Variants in PDE4D observed in about 807,000 individuals in gnomAD.
The protein encoded by PDE4D is phosphodiesterase 4D.
In PDE4D, 24 loss-of-function variants were observed where a neutral mutation model predicts 87.4. The observed-to-expected ratio is 0.27, with a 90% CI of 0.20 to 0.39. The LOEUF is 0.39. Ranked by LOEUF, PDE4D falls within the 10% of genes least tolerant of loss-of-function variation. The pLI, the probability that PDE4D is intolerant of heterozygous loss-of-function variation, is 1.00. For synonymous variants in PDE4D, 384 were observed against 383.2 expected, an observed-to-expected ratio of 1.00 and a Z score of -0.02; for missense variants, 714 against 1,041.0, an observed-to-expected ratio of 0.69 and a Z score of 4.32.
intron 1 of PDE4D, among the ~76,000 whole-genome samples, chr5:60,469,390 A>G (rs1422846820): frequency 6.6e-6 from 1 of 152,076 alleles, no homozygotes; most frequent in Non-Finnish European, 1.5e-5. Flanking sequence ...TCCAACACTC[A>G]GCTTTTTCTT....
intron 1 of PDE4D, among the ~76,000 whole-genome samples, chr5:59,776,615 T>G (rs1367501131): frequency 6.6e-6 from 1 of 152,218 alleles, no homozygotes; most frequent in Non-Finnish European, 1.5e-5. Flanking sequence ...GAGTCACAGC[T>G]TGGGAGATGG....
intron 1 of PDE4D, among the ~76,000 whole-genome samples, chr5:60,484,784 T>A (rs901573406): frequency 6.6e-6 from 1 of 151,848 alleles, no homozygotes; most frequent in Non-Finnish European, 1.5e-5. Flanking sequence ...AAGTAAAGAG[T>A]CCTAACCCTA....
intron 1 of PDE4D, among the ~76,000 whole-genome samples, chr5:60,310,058 T>C (rs1754865941): frequency 1.3e-5 from 2 of 152,174 alleles, no homozygotes; most frequent in Non-Finnish European, 2.9e-5. Context: ...CCCTTTTTCC[T>C]CTTGGAGAAG....
chr5:59,554,117 G>A (rs1583095302), intron 1 of PDE4D, among the ~76,000 whole-genome samples: 1 of 152,254 alleles, frequency 6.6e-6, no homozygotes, highest in East Asian at 1.9e-4. Context: ...AGGAACTAGA[G>A]TCTCAGATCC....
At chr5:59,355,331 C>T (rs1263864801) in intron 1 of PDE4D, among the ~76,000 whole-genome samples, 2 of 152,150 alleles carry the variant, frequency 1.3e-5, no homozygotes, top group Non-Finnish European at 2.9e-5. Context: ...TGAGATTTCT[C>T]AAATTCATTA....
intron 1 of PDE4D, among the ~76,000 whole-genome samples, chr5:59,511,962 G>A (rs566363721): frequency 1.3e-5 from 2 of 152,026 alleles, no homozygotes; most frequent in African/African-American, 4.8e-5. Context: ...GTAATTTGAG[G>A]TCTGAAGTGG....
intron 1 of PDE4D, among the ~76,000 whole-genome samples, chr5:59,505,918 G>T (rs1373686908): frequency 6.6e-6 from 1 of 152,060 alleles, no homozygotes; most frequent in Non-Finnish European, 1.5e-5. Context: ...ACACTACATG[G>T]TATCCATTAT....
intron 2 of PDE4D, among the ~76,000 whole-genome samples, chr5:59,205,263 T>C (rs1182770864): frequency 6.6e-6 from 1 of 152,192 alleles, no homozygotes; most frequent in Non-Finnish European, 1.5e-5. Context: ...TTATGCTCTT[T>C]CTTTTTCACT....
At chr5:59,757,097 C>T (rs984569865) in intron 1 of PDE4D, among the ~76,000 whole-genome samples, 24 of 152,076 alleles carry the variant, frequency 1.6e-4, no homozygotes, top group East Asian at 1.9e-4. Flanking sequence ...CGCACCCGGC[C>T]GGTTCTTACT....
rs568130357 is a variant in PDE4D at position 59,011,327 on chromosome 5, C to T, written c.922-17862G>A. Among the ~76,000 whole-genome samples the T allele has an allele frequency of 8.5e-5, 13 of 152,188 alleles. No homozygotes were observed. In the South Asian group the frequency reaches 2.7e-3, roughly 32 times the overall value. ...CAAGCTGAGAGAAGAAGGCTTCAGA[C>T]GATGGGTAATAAACTTTTCCGAGCT... On this transcript the variant is annotated intron_variant, in intron 6 of 14. Transcript: ENST00000340635.
intron 1 of PDE4D, among the ~76,000 whole-genome samples, chr5:59,571,447 C>T (rs1452378062): frequency 6.6e-6 from 1 of 152,192 alleles, no homozygotes; most frequent in African/African-American, 2.4e-5. Flanking sequence ...AAAGGAGCTG[C>T]TTATAATGAA....
intron 1 of PDE4D, among the ~76,000 whole-genome samples, chr5:60,223,734 T>G (rs1464567704): frequency 1.3e-5 from 2 of 152,234 alleles, no homozygotes; most frequent in East Asian, 3.9e-4. Context: ...ACTTCACATA[T>G]TTAATTACTA....
rs1325297593 is a variant in PDE4D at position 60,500,392 on chromosome 5, A to G, written n.70+21659T>C. ...AGAAATTTCCACTTGAAAATATTTA[A>G]GATTTATTTATAATGCATCTTATGT... On this transcript the variant is annotated intron_variant and non_coding_transcript_variant, in intron 1 of 2. Coordinates refer to the PDE4D transcript ENST00000506510. 5.3e-5 allele frequency among the ~76,000 whole-genome samples: 8 copies of G among 152,242 alleles called. No homozygotes were observed. The East Asian group carries it at 1.5e-3, about 29-fold the overall frequency.
intron 1 of PDE4D, among the ~76,000 whole-genome samples, chr5:59,831,601 G>T (rs1162601073): frequency 2.0e-5 from 3 of 152,046 alleles, no homozygotes; most frequent in Admixed American, 6.6e-5. Context: ...GCTTAGTGAG[G>T]TTGCATAGCT....
chr5:59,537,723 TTGATA>T (rs968246664), intron 1 of PDE4D, among the ~76,000 whole-genome samples: 2 of 152,240 alleles, frequency 1.3e-5, no homozygotes, highest in African/African-American at 4.8e-5. Context: ...TTCCACTTAT[TTGATA>T]TGATAGAAGA....
intron 5 of PDE4D, among the ~76,000 whole-genome samples, chr5:59,179,214 C>T (rs1740893354): frequency 6.6e-6 from 1 of 152,186 alleles, no homozygotes; most frequent in African/African-American, 2.4e-5. Flanking sequence ...TCAAGCGATT[C>T]TCCTGCCTCA....
chr5:60,345,189 C>A (rs192145292), intron 1 of PDE4D, among the ~76,000 whole-genome samples: 137 of 151,834 alleles, frequency 9.0e-4, no homozygotes, highest in African/African-American at 3.1e-3. Flanking sequence ...AGCAAACTAT[C>A]GCAAGAACAA....
At chr5:59,446,865 C>T (rs759568151) in intron 1 of PDE4D, among the ~76,000 whole-genome samples, 17 of 152,300 alleles carry the variant, frequency 1.1e-4, no homozygotes, top group Middle Eastern at 3.4e-3. Flanking sequence ...GAGTCAATGT[C>T]AGAGGTTCAC....
chr5:59,273,284 C>T (rs1764187912), intron 1 of PDE4D, among the ~76,000 whole-genome samples: 1 of 151,602 alleles, frequency 6.6e-6, no homozygotes, highest in South Asian at 2.1e-4. Context: ...TGCAGAGGCA[C>T]AAGAAGAGAG....
Sources: allele counts gnomAD v4.1 joint callset (sites outside exome capture counted in the v4.1 genomes callset), GRCh38; gene constraint gnomAD v4.1.1; transcripts MANE v1.5; gene names NCBI Gene and HGNC (gene_info 2026-07-23, HGNC 2026-07-21).